Variants in DLG2 observed in about 807,000 individuals in gnomAD.
DLG2 encodes the protein discs large MAGUK scaffold protein 2.
DLG2 carries 45 observed loss-of-function variants against 132.5 expected under a neutral mutation model. The observed-to-expected ratio is 0.34, with a 90% CI of 0.27 to 0.44. DLG2 has a LOEUF of 0.44. Among genes scored for constraint, DLG2 ranks in the 20% least tolerant of loss-of-function variants. The pLI is 1.00. For missense variants in DLG2, 1,045 were observed against 1,196.9 expected, an observed-to-expected ratio of 0.87 and a Z score of 1.87; for synonymous variants, 424 against 419.6, an observed-to-expected ratio of 1.01 and a Z score of -0.13.
At chr11:85,164,512 A>G (rs1415470893) in intron 4 of DLG2, among the ~76,000 whole-genome samples, 1 of 152,172 alleles carries the variant, frequency 6.6e-6, no homozygotes, top group Non-Finnish European at 1.5e-5. Context: ...CTTGCTGTCA[A>G]TTATGCTCTC....
intron 5 of DLG2, among the ~76,000 whole-genome samples, chr11:85,120,370 G>A (rs1325278012): frequency 6.6e-6 from 1 of 152,062 alleles, no homozygotes; most frequent in Non-Finnish European, 1.5e-5. Context: ...AATTATGGGT[G>A]TATTAATTCA....
At chr11:85,522,888 T>C (rs2074427550) in intron 3 of DLG2, among the ~76,000 whole-genome samples, 2 of 152,204 alleles carry the variant, frequency 1.3e-5, no homozygotes, top group Non-Finnish European at 1.5e-5. Context: ...TTATCTCAGA[T>C]GAAACTTTGA....
At chr11:85,033,201 C>A (rs2061167201) in intron 6 of DLG2, among the ~76,000 whole-genome samples, 2 of 151,708 alleles carry the variant, frequency 1.3e-5, no homozygotes, top group African/African-American at 4.8e-5. Flanking sequence ...CTATAAAAAT[C>A]CAGCTTATTT....
chr11:85,202,100 G>T (rs2081508581), intron 4 of DLG2, among the ~76,000 whole-genome samples: 1 of 151,466 alleles, frequency 6.6e-6, no homozygotes, highest in Non-Finnish European at 1.5e-5. Context: ...TGTGTTATTG[G>T]CATTAAAGAG....
chr11:84,582,279 A>C (rs1433298275), intron 6 of DLG2, among the ~76,000 whole-genome samples: 1 of 151,270 alleles, frequency 6.6e-6, no homozygotes, highest in Non-Finnish European at 1.5e-5. Context: ...GATCAAAATT[A>C]TACAAATCTT....
At chr11:84,946,277 G>A (rs1314366397) in intron 6 of DLG2, among the ~76,000 whole-genome samples, 1 of 152,076 alleles carries the variant, frequency 6.6e-6, no homozygotes, top group Non-Finnish European at 1.5e-5. Context: ...TCTTCAAACA[G>A]AAGGAATCCC....
intron 3 of DLG2, among the ~76,000 whole-genome samples, chr11:85,521,722 T>A (rs1474278684): frequency 6.6e-6 from 1 of 152,122 alleles, no homozygotes; most frequent in Non-Finnish European, 1.5e-5. Flanking sequence ...TGGACTCAGA[T>A]GAAGATGAGG....
chr11:84,281,425 C>A (rs1030153249), intron 7 of DLG2, among the ~76,000 whole-genome samples: 3 of 151,028 alleles, frequency 2.0e-5, no homozygotes, highest in African/African-American at 4.9e-5. Flanking sequence ...ACAAATAACT[C>A]TTTTTTTTTG....
chr11:85,291,211 A>C (rs769204250), intron 3 of DLG2, among the ~76,000 whole-genome samples: 37 of 152,146 alleles, frequency 2.4e-4, no homozygotes, highest in Non-Finnish European at 4.6e-4. Context: ...AGAAAATACG[A>C]TTCTTAAATC....
At chr11:85,379,714 G>T (rs967776340) in intron 3 of DLG2, among the ~76,000 whole-genome samples, 9 of 152,178 alleles carry the variant, frequency 5.9e-5, no homozygotes, top group Admixed American at 2.6e-4. Context: ...AAAGCCTAGA[G>T]CCAGTGGATT....
intron 20 of DLG2, among the ~76,000 whole-genome samples, chr11:83,539,172 A>C (rs933509768): frequency 6.6e-6 from 1 of 152,200 alleles, no homozygotes; most frequent in Non-Finnish European, 1.5e-5. Flanking sequence ...TGTTTTGTTC[A>C]ATAAAATTTA....
intron 3 of DLG2, among the ~76,000 whole-genome samples, chr11:85,576,494 T>C (rs1390417754): frequency 1.3e-5 from 2 of 152,202 alleles, no homozygotes; most frequent in African/African-American, 4.8e-5. Context: ...CCATTTTAAA[T>C]GGATTTTTTG....
intron 6 of DLG2, among the ~76,000 whole-genome samples, chr11:84,690,131 A>G (rs1471482861): frequency 6.6e-6 from 1 of 151,762 alleles, no homozygotes; most frequent in African/African-American, 2.4e-5. Flanking sequence ...GGGTAGGGGG[A>G]AAAAGAGATG....
Position 83,906,300 on chromosome 11 carries a change from CACACACACACACACACACA to C in DLG2, c.1496+24009_1496+24027del, listed in dbSNP as rs1411208265. 1.6e-3 allele frequency among the ~76,000 whole-genome samples: 221 copies of C among 137,194 alleles called. 4 individuals are homozygous for C. Among genetic ancestry groups the C allele is most frequent in the South Asian group, 6.0e-3 (23 of 3,820 alleles). 90.0% of individuals were successfully genotyped at this position (137,194 alleles called of 152,430 possible). ...ACACACACACACACACACACACACA[CACACACACACACACACACA>C]CCTCGGCCTCCCAAAGTGCTGGGAT... On this transcript the variant is annotated intron_variant, in intron 15 of 27. Transcript: ENST00000376104.
intron 7 of DLG2, among the ~76,000 whole-genome samples, chr11:84,343,049 T>C (rs1220497273): frequency 6.6e-6 from 1 of 152,066 alleles, no homozygotes; most frequent in Non-Finnish European, 1.5e-5. Context: ...ATAATGACAA[T>C]ACAGTGCAAC....
chr11:84,105,347 T>C (rs1478316411), intron 9 of DLG2, among the ~76,000 whole-genome samples: 1 of 152,164 alleles, frequency 6.6e-6, no homozygotes, highest in African/African-American at 2.4e-5. Context: ...TCTAGTTTCA[T>C]CATCTGTCAA....
chr11:84,870,907 C>T lies in DLG2; in HGVS notation c.357+240754G>A, dbSNP rs142082344. On this transcript the variant is annotated intron_variant, in intron 6 of 27. Transcript: ENST00000376104. ...ACCAAACAAACAAAAACGAAGTGAA[C>T]TAACATTTATTCAGAATCTATTATG... Among the ~76,000 whole-genome samples, 162 of 152,288 alleles carry T rather than the reference C, an allele frequency of 1.1e-3. 1 individual carries two copies. The East Asian group carries it at 0.014, about 13-fold the overall frequency.
At chr11:84,638,333 G>T (rs999164089) in intron 6 of DLG2, among the ~76,000 whole-genome samples, 1 of 152,134 alleles carries the variant, frequency 6.6e-6, no homozygotes, top group South Asian at 2.1e-4. Flanking sequence ...TAATACCACA[G>T]ACAAGATGGG....
intron 3 of DLG2, among the ~76,000 whole-genome samples, chr11:85,370,819 T>C (rs2084919619): frequency 6.6e-6 from 1 of 152,184 alleles, no homozygotes; most frequent in Admixed American, 6.5e-5. Flanking sequence ...AGATGGGATT[T>C]CCAAAATGAT....
Sources: gnomAD v4.1 joint callset for allele counts (sites outside exome capture counted in the v4.1 genomes callset) on GRCh38, gnomAD v4.1.1 for gene constraint, MANE v1.5 for transcripts, NCBI Gene and HGNC (gene_info 2026-07-23, HGNC 2026-07-21) for gene names.